SLC67A2: variants seen among roughly 807,000 people sequenced by gnomAD.
SLC67A2 encodes solute carrier family 67 member 2.
the SLC67A2 span, among the ~76,000 whole-genome samples, chr2:102,726,416 G>C: frequency 6.6e-6 from 1 of 152,158 alleles, no homozygotes; most frequent in Non-Finnish European, 1.5e-5. Flanking sequence ...GAGGGGCAAG[G>C]GGCTCTGTCA....
the SLC67A2 span, chr2:102,717,099 C>T: frequency 6.6e-6 from 1 of 152,168 alleles, no homozygotes. Flanking sequence ...GTGGCACAAT[C>T]TTGGCTCACC....
chr2:102,722,506 T>C, the SLC67A2 span, among the ~76,000 whole-genome samples: 2,830 of 152,330 alleles, frequency 0.019, 66 homozygotes, highest in Non-Finnish European at 0.019. Flanking sequence ...TTTAAATTTA[T>C]ATTAAATACA....
the SLC67A2 span, among the ~76,000 whole-genome samples, chr2:102,734,238 C>T: frequency 1.3e-5 from 2 of 152,142 alleles, no homozygotes; most frequent in Non-Finnish European, 2.9e-5. Context: ...GATTACTGGA[C>T]TATCTCAATG....
chr2:102,732,158 A>C, the SLC67A2 span: 1 of 739,702 alleles, frequency 1.4e-6, no homozygotes, highest in African/African-American at 1.7e-5. Flanking sequence ...AAGGAATTGC[A>C]TTTGCTATAG....
chr2:102,718,735 C>A, the SLC67A2 span: 1 of 1,613,760 alleles, frequency 6.2e-7, no homozygotes, highest in Non-Finnish European at 8.5e-7. Flanking sequence ...TGGTGGGGGC[C>A]AAGGAGTAGA....
At chr2:102,730,704 G>A in the SLC67A2 span, among the ~76,000 whole-genome samples, 1 of 151,988 alleles carries the variant, frequency 6.6e-6, no homozygotes. Flanking sequence ...CACCATGCCT[G>A]GCTAATTTTT....
chr2:102,733,429 T>G, the SLC67A2 span, among the ~76,000 whole-genome samples: 1 of 152,220 alleles, frequency 6.6e-6, no homozygotes, highest in Non-Finnish European at 1.5e-5. Flanking sequence ...TTCATATAAC[T>G]ATAGATACAT....
chr2:102,718,341 C>T, the SLC67A2 span: 1 of 1,539,460 alleles, frequency 6.5e-7, no homozygotes, highest in Non-Finnish European at 8.8e-7. Flanking sequence ...CAACCCTTTC[C>T]AAAGTGCCCT....
the SLC67A2 span, among the ~76,000 whole-genome samples, chr2:102,724,293 G>A: frequency 2.0e-5 from 3 of 152,078 alleles, no homozygotes; most frequent in African/African-American, 4.8e-5. Flanking sequence ...AACTCATTGA[G>A]CCAATATTTA....
chr2:102,726,003 C>T, the SLC67A2 span, among the ~76,000 whole-genome samples: 1 of 152,168 alleles, frequency 6.6e-6, no homozygotes, highest in South Asian at 2.1e-4. Flanking sequence ...AAAGAGAGAA[C>T]AAAGAGCTTC....
chr2:102,719,096 T>A, the SLC67A2 span: 2 of 1,614,244 alleles, frequency 1.2e-6, no homozygotes, highest in Non-Finnish European at 1.7e-6. Flanking sequence ...GGTGGCTGCC[T>A]CCTGCACTGT....
At chr2:102,736,778 C>G in the SLC67A2 span, 1 of 1,613,400 alleles carries the variant, frequency 6.2e-7, no homozygotes, top group Non-Finnish European at 8.5e-7. Flanking sequence ...GCCTCGGGGC[C>G]GAGTTCATGT....
the SLC67A2 span, chr2:102,736,858 C>G: frequency 1.3e-6 from 2 of 1,547,796 alleles, no homozygotes; most frequent in Non-Finnish European, 1.7e-6. Flanking sequence ...CGGACCTACC[C>G]CGGGAGCCCA....
At chr2:102,726,758 GT>G in the SLC67A2 span, 1 of 1,506,700 alleles carries the variant, frequency 6.6e-7, no homozygotes, top group Non-Finnish European at 8.9e-7. Context: ...GACCACAGAG[GT>G]GGCCCAGGAG....
chr2:102,732,145 A>C, the SLC67A2 span: 4 of 720,754 alleles, frequency 5.5e-6, no homozygotes, highest in African/African-American at 7.0e-5. Context: ...TCGTCTAGAA[A>C]AAAAGGAATT....
At chr2:102,721,810 T>C in the SLC67A2 span, among the ~76,000 whole-genome samples, 1 of 152,176 alleles carries the variant, frequency 6.6e-6, no homozygotes, top group African/African-American at 2.4e-5. Context: ...GCTCAAACAA[T>C]CCTCCTGCCT....
At chr2:102,736,859 C>A in the SLC67A2 span, 1 of 1,545,516 alleles carries the variant, frequency 6.5e-7, no homozygotes, top group Non-Finnish European at 8.7e-7. Context: ...GGACCTACCC[C>A]GGGAGCCCAG....
chr2:102,719,222 T>C, the SLC67A2 span: 2 of 1,603,378 alleles, frequency 1.2e-6, no homozygotes, highest in South Asian at 1.1e-5. Flanking sequence ...TAAAATGGCA[T>C]GAGACCGGTT....
At chr2:102,735,846 G>GCACACACACACA in the SLC67A2 span, among the ~76,000 whole-genome samples, 173 of 149,686 alleles carry the variant, frequency 1.2e-3, 2 homozygotes, top group African/African-American at 4.1e-3. Flanking sequence ...ACGCGCGCGC[G>GCACACACACACA]CACACACACA....
Sources: allele counts gnomAD v4.1 joint callset (sites outside exome capture counted in the v4.1 genomes callset), GRCh38; gene constraint gnomAD v4.1.1; transcripts MANE v1.5; gene names NCBI Gene and HGNC (gene_info 2026-07-23, HGNC 2026-07-21).